USP13: variants seen among roughly 807,000 people sequenced by gnomAD.
USP13 encodes the protein ubiquitin specific peptidase 13.
A neutral mutation model predicts 107.8 loss-of-function variants in USP13; 68 were observed. The observed-to-expected ratio is 0.63, with a 90% CI of 0.52 to 0.77. The LOEUF (loss-of-function observed/expected upper bound fraction) is 0.77, where lower values mean the gene tolerates loss of function less well. Among genes scored for constraint, USP13 ranks in the 30% least tolerant of loss-of-function variants. The pLI, the probability that USP13 is intolerant of heterozygous loss-of-function variation, is 0.00. For missense variants in USP13, 945 were observed against 1,093.3 expected (o/e 0.86, Z 1.91); for synonymous variants, 377 against 389.5 (o/e 0.97, Z 0.38).
Position 179,709,966 on chromosome 3 carries a change from T to C in USP13, c.805+1009T>C, listed in dbSNP as rs566716381. ...GGACATGGCTCACCAATCATTGTTT[T>C]TTCATTGAACCGGTGTAGTTTTTCA... On this transcript the variant is annotated intron_variant, in intron 6 of 20. Coordinates refer to ENST00000263966, the MANE Select transcript of USP13 (RefSeq NM_003940.3). Among the ~76,000 whole-genome samples, 172 of 139,458 alleles carry C rather than the reference T, an allele frequency of 1.2e-3. 2 individuals carry two copies. Among genetic ancestry groups the C allele is most frequent in the African/African-American group, 4.0e-3 (165 of 41,254 alleles). 91.5% of individuals were successfully genotyped at this position (139,458 alleles called of 152,430 possible).
chr3:179,693,011 A>G (rs1489841571), intron 3 of USP13, among the ~76,000 whole-genome samples: 1 of 152,230 alleles, frequency 6.6e-6, no homozygotes, highest in Non-Finnish European at 1.5e-5. Context: ...AGGTGCATAT[A>G]GAACTCACAG....
intron 17 of USP13, among the ~76,000 whole-genome samples, chr3:179,762,414 C>T (rs1453368859): frequency 6.6e-6 from 1 of 152,172 alleles, no homozygotes; most frequent in Non-Finnish European, 1.5e-5. Flanking sequence ...AACCCCATCT[C>T]TATTAAAAAT....
At chr3:179,772,872 A>G (rs1334494202) in intron 19 of USP13, among the ~76,000 whole-genome samples, 2 of 152,164 alleles carry the variant, frequency 1.3e-5, no homozygotes, top group Non-Finnish European at 2.9e-5. Context: ...TTCTGTTGCT[A>G]TCAGCTGCCT....
rs932688111 is a variant in USP13 at position 179,786,343 on chromosome 3, AAGAT to A, written c.*2205_*2208del. 6.6e-6 allele frequency: 1 copy of A among 152,254 alleles called. No homozygotes were observed. Among genetic ancestry groups the A allele is most frequent in the Non-Finnish European group, 1.5e-5 (1 of 68,048 alleles). The allele number at this position is 152,254 out of a possible 1,614,324, so 9.4% of individuals were successfully genotyped here. A position where few individuals can be genotyped will look rare whatever the true frequency, so the allele number is the denominator to read the frequency against. ...GGTGGTTTGGATTGAAATGTGGACAAAGATAGCATGTGTATTTTGAATAAAATAA... is the reference window on the plus strand; with the variant it reads ...GGTGGTTTGGATTGAAATGTGGACAAAGCATGTGTATTTTGAATAAAATAA... On this transcript the variant is annotated 3_prime_UTR_variant, in exon 21 of 21. Transcript: ENST00000263966.
In USP13 at chr3:179,661,992, G is replaced by C. The variant is rs573356956; in HGVS notation, c.168+8599G>C. Among the ~76,000 whole-genome samples the C allele has an allele frequency of 4.6e-5, 7 of 152,270 alleles. No individual in the cohort carries two copies. The South Asian group carries it at 1.5e-3, about 32-fold the overall frequency. On this transcript the variant is annotated intron_variant, in intron 1 of 20. Transcript: ENST00000263966. ...ATCTGTGCAGTTTCTTGTGACGCTT[G>C]TACATCCTGAGTTCCTGAACATAGG...
rs1439831069 is a variant in USP13, at chr3:179,745,205, C to T, written c.1697C>T (p.Ser566Phe). The change falls in exon 13 of 21, where the codon TCT becomes TTT. Residue 566 changes from serine (S) to phenylalanine (F), a missense_variant. By Grantham distance (155) the Ser-to-Phe change is radical. Coordinates refer to ENST00000263966, the MANE Select transcript of USP13 (RefSeq NM_003940.3). ...DFWSSALQAK[S>F]AGVKTSRFAS... The stretch of plus-strand genomic sequence containing the variant: ...TGGAGCAGTGCCCTACAAGCAAAGT[C>T]TGCGGGTGTGAAGTAAGTGTGTGTA... 2 of 1,599,648 alleles carry T rather than the reference C, an allele frequency of 1.3e-6. No individual in the cohort carries two copies. The highest frequency in any genetic ancestry group is 1.7e-6 in the Non-Finnish European group (2 of 1,173,366).
At chr3:179,746,721 G>A (rs552796177) in intron 13 of USP13, among the ~76,000 whole-genome samples, 6 of 151,750 alleles carry the variant, frequency 4.0e-5, no homozygotes, top group African/African-American at 7.3e-5. Context: ...ATGAGCCACC[G>A]CACCCAGCCA....
At chr3:179,756,901 T>A in intron 15 of USP13, 151 bp from the exon 16 acceptor site, 1 of 691,136 alleles carries the variant, frequency 1.4e-6, no homozygotes, top group Non-Finnish European at 2.6e-6. Context: ...GAGGCTGGGG[T>A]GGTCTGCGTG....
At chr3:179,746,721 G>T (rs552796177) in intron 13 of USP13, among the ~76,000 whole-genome samples, 2 of 151,632 alleles carry the variant, frequency 1.3e-5, no homozygotes, top group Admixed American at 6.6e-5. Context: ...ATGAGCCACC[G>T]CACCCAGCCA....
chr3:179,765,669 AAC>A, intron 18 of USP13, 24 bp from the exon 19 acceptor site: 1 of 1,612,434 alleles, frequency 6.2e-7, no homozygotes, highest in Non-Finnish European at 8.5e-7. Flanking sequence ...GCATTGTAAA[AAC>A]ATCTGTTTCT....
chr3:179,781,759 A>G lies in USP13; in HGVS notation c.2434A>G (p.Ile812Val), dbSNP rs1715755821. ...GSGTYELFAF[I>V]SHMGTSTMSG... ...CACAGCATATGAGCTATTTGCATTC[A>G]TCAGTCACATGGGAACATCCACAAT... is the stretch of plus-strand genomic sequence containing the variant. The change falls in exon 20 of 21, where the codon ATC becomes GTC. Residue 812 changes from isoleucine to valine, a missense_variant. Ile to Val is a conservative substitution (Grantham distance 29). Transcript: ENST00000263966. 1.2e-6 allele frequency: 2 copies of G among 1,614,052 alleles called. No homozygotes were observed. The highest frequency in any genetic ancestry group is 1.7e-6 in the Non-Finnish European group (2 of 1,179,980).
At chr3:179,773,441 T>C (rs1276801421) in intron 19 of USP13, among the ~76,000 whole-genome samples, 1 of 152,220 alleles carries the variant, frequency 6.6e-6, no homozygotes, top group Non-Finnish European at 1.5e-5. Flanking sequence ...CGTCATGCCC[T>C]GATGAGATAC....
intron 15 of USP13, among the ~76,000 whole-genome samples, chr3:179,756,690 C>T (rs78508898): frequency 0.011 from 1,618 of 152,180 alleles, 31 homozygotes; most frequent in African/African-American, 0.038. Flanking sequence ...CCCAGGAGGT[C>T]GAGGCTGCAG....
chr3:179,655,281 G>A lies in USP13; in HGVS notation c.168+1888G>A, dbSNP rs906631022. ...TTGCTGCATAATGCAGTGGATAACA[G>A]GTGTGGGAAAAAAGGCTGATTGTTT... is the stretch of plus-strand genomic sequence containing the variant. On this transcript the variant is annotated intron_variant, in intron 1 of 20. Coordinates refer to ENST00000263966, the MANE Select transcript of USP13 (RefSeq NM_003940.3). Among the ~76,000 whole-genome samples, 5 of 152,148 alleles carry A rather than the reference G, an allele frequency of 3.3e-5. No homozygotes were observed. The East Asian group carries it at 7.7e-4, about 23-fold the overall frequency.
At chr3:179,731,173 G>A (rs779505256) in intron 10 of USP13, among the ~76,000 whole-genome samples, 15 of 152,182 alleles carry the variant, frequency 9.9e-5, no homozygotes, top group Non-Finnish European at 1.8e-4. Context: ...CACTTTGGGA[G>A]GCCGAGGTGG....
At chr3:179,779,287 A>T (rs1715659226) in intron 19 of USP13, among the ~76,000 whole-genome samples, 1 of 151,694 alleles carries the variant, frequency 6.6e-6, no homozygotes. Context: ...TAATTCCAGC[A>T]CTTTGGGAGG....
chr3:179,725,728 TTGAG>T (rs1387938958), intron 8 of USP13, among the ~76,000 whole-genome samples: 7 of 152,258 alleles, frequency 4.6e-5, no homozygotes, highest in Non-Finnish European at 2.9e-5. Context: ...CAAATATTTA[TTGAG>T]TGTCTTTTAC....
At chr3:179,667,355 A>T (rs1720617153) in intron 1 of USP13, among the ~76,000 whole-genome samples, 1 of 152,172 alleles carries the variant, frequency 6.6e-6, no homozygotes, top group Non-Finnish European at 1.5e-5. Flanking sequence ...TTCAATCTTC[A>T]TGTTTATCAG....
chr3:179,775,811 C>T (rs373102415), intron 19 of USP13, among the ~76,000 whole-genome samples: 11 of 152,338 alleles, frequency 7.2e-5, no homozygotes, highest in African/African-American at 2.2e-4. Flanking sequence ...AGTGCTGGCT[C>T]GCGAGCATTG....
Sources: allele counts gnomAD v4.1 joint callset (sites outside exome capture counted in the v4.1 genomes callset), GRCh38; gene constraint gnomAD v4.1.1; transcripts MANE v1.5; gene names NCBI Gene and HGNC (gene_info 2026-07-23, HGNC 2026-07-21).